SDK1: variants seen among roughly 807,000 people sequenced by gnomAD.
SDK1 encodes protein sidekick-1.
Under a neutral mutation model 245.5 loss-of-function variants are expected in SDK1, and 157 were observed. The ratio of observed to expected loss-of-function variants is 0.64; its 90% CI spans 0.56 to 0.73. The LOEUF is 0.73. SDK1 is among the 30% of genes least tolerant of loss of function. The probability of loss-of-function intolerance (pLI) is 0.00; values close to 1 mark genes in which losing one functional copy is unlikely to be tolerated. For synonymous variants in SDK1, 1,647 were observed against 1,278.5 expected (o/e 1.29, Z -6.15); for missense variants, 3,583 against 3,002.3 (o/e 1.19, Z -4.52).
At chr7:3,473,998 C>A (rs1176267758) in intron 1 of SDK1, among the ~76,000 whole-genome samples, 5 of 151,380 alleles carry the variant, frequency 3.3e-5, no homozygotes, top group Non-Finnish European at 7.4e-5. Context: ...TTTGGACATC[C>A]ACCTTTAACC....
intron 4 of SDK1, among the ~76,000 whole-genome samples, chr7:3,687,779 G>A (rs998207604): frequency 4.6e-5 from 7 of 152,164 alleles, no homozygotes; most frequent in African/African-American, 9.7e-5. Context: ...AGGTCCTTGC[G>A]GTGATGGAAA....
intron 5 of SDK1, among the ~76,000 whole-genome samples, chr7:3,907,842 C>T (rs1464294915): frequency 6.6e-6 from 1 of 152,162 alleles, no homozygotes; most frequent in Non-Finnish European, 1.5e-5. Context: ...TTTCTTATTG[C>T]TCAGCTGTGT....
intron 4 of SDK1, among the ~76,000 whole-genome samples, chr7:3,734,867 A>G (rs1034645708): frequency 6.6e-6 from 1 of 152,198 alleles, no homozygotes; most frequent in African/African-American, 2.4e-5. Context: ...CAAGTAGTCC[A>G]TATTTTCCAA....
intron 35 of SDK1, among the ~76,000 whole-genome samples, chr7:4,192,092 C>G (rs1472220137): frequency 1.3e-5 from 2 of 152,176 alleles, no homozygotes; most frequent in Non-Finnish European, 2.9e-5. Flanking sequence ...CAAGCATACA[C>G]AGAAGGAGAC....
intron 1 of SDK1, among the ~76,000 whole-genome samples, chr7:3,379,816 A>C (rs1017660411): frequency 1.7e-5 from 1 of 58,668 alleles, no homozygotes; most frequent in Non-Finnish European, 3.1e-5. Flanking sequence ...AAACTTCTTG[A>C]GCCACCTACA....
intron 5 of SDK1, among the ~76,000 whole-genome samples, chr7:3,843,857 T>C (rs190872255): frequency 1.3e-4 from 20 of 149,608 alleles, no homozygotes; most frequent in African/African-American, 5.1e-4. Context: ...TAAAATCTTA[T>C]AAAATAGATA....
intron 17 of SDK1, among the ~76,000 whole-genome samples, chr7:4,047,292 C>T (rs73302703): frequency 0.014 from 2,128 of 152,190 alleles, 56 homozygotes; most frequent in African/African-American, 0.049. Context: ...TGATGAATTA[C>T]TTTGATTGTT....
chr7:3,319,838 G>T (rs1779753000), intron 1 of SDK1, among the ~76,000 whole-genome samples: 1 of 130,688 alleles, frequency 7.7e-6, no homozygotes, highest in Non-Finnish European at 1.6e-5. Context: ...TACAAATCTG[G>T]TTTCCTCTTC....
intron 4 of SDK1, among the ~76,000 whole-genome samples, chr7:3,660,844 T>C (rs1783330087): frequency 6.6e-6 from 1 of 152,242 alleles, no homozygotes; most frequent in Admixed American, 6.5e-5. Context: ...AATCTTTTCT[T>C]CTTCAATCTA....
intron 1 of SDK1, among the ~76,000 whole-genome samples, chr7:3,424,495 G>T (rs950375964): frequency 6.6e-6 from 1 of 152,078 alleles, no homozygotes; most frequent in Non-Finnish European, 1.5e-5. Context: ...ATTATTTTGG[G>T]AAGAAAAATG....
In SDK1 at chr7:4,208,133, C is replaced by T. The variant is rs764914315; in HGVS notation, c.5249C>T (p.Thr1750Met). 34 of 1,613,746 alleles carry T rather than the reference C, an allele frequency of 2.1e-5. No homozygotes were observed. The highest frequency in any genetic ancestry group is 1.7e-4 in the Middle Eastern group (1 of 6,054). ...YYWEADSQNE[T>M]EKMKVLFLPE... ...TGGGAGGCAGACAGCCAGAACGAAA[C>T]GGAGAAAATGAAGGTCCTCTTCCTC... Residue 1750 changes from threonine (T) to methionine (M), a missense_variant, in exon 37 of 45, where the codon ACG becomes ATG. By Grantham distance (81) the Thr-to-Met change is moderately conservative. Coordinates refer to ENST00000404826, the MANE Select transcript of SDK1 (RefSeq NM_152744.4).
chr7:3,993,219 T>C (rs1291117148), intron 14 of SDK1, among the ~76,000 whole-genome samples: 1 of 152,236 alleles, frequency 6.6e-6, no homozygotes, highest in African/African-American at 2.4e-5. Flanking sequence ...AACCTTGATA[T>C]TTGGGAGAGG....
At chr7:3,505,758 C>T (rs1310132497) in intron 1 of SDK1, among the ~76,000 whole-genome samples, 1 of 152,078 alleles carries the variant, frequency 6.6e-6, no homozygotes, top group Non-Finnish European at 1.5e-5. Context: ...GATGCAAAAC[C>T]TGTAGATGTG....
chr7:3,732,621 C>G (rs1029569925), intron 4 of SDK1, among the ~76,000 whole-genome samples: 5 of 152,236 alleles, frequency 3.3e-5, no homozygotes, highest in Non-Finnish European at 7.3e-5. Context: ...TTCAAAGAGA[C>G]TGAGCAGCAA....
At chr7:3,526,973 A>G (rs1338589355) in intron 1 of SDK1, among the ~76,000 whole-genome samples, 1 of 152,186 alleles carries the variant, frequency 6.6e-6, no homozygotes, top group Non-Finnish European at 1.5e-5. Context: ...TTAACTTGCT[A>G]TAAATCTACC....
At chr7:3,808,177 A>T (rs1220612138) in intron 4 of SDK1, among the ~76,000 whole-genome samples, 1 of 152,182 alleles carries the variant, frequency 6.6e-6, no homozygotes, top group African/African-American at 2.4e-5. Context: ...AGCACACAGC[A>T]GTTGCCAGGC....
At chr7:3,534,673 G>A (rs927403599) in intron 1 of SDK1, among the ~76,000 whole-genome samples, 1 of 151,950 alleles carries the variant, frequency 6.6e-6, no homozygotes, top group Non-Finnish European at 1.5e-5. Flanking sequence ...GGCTTTCCTC[G>A]GTTGTTTGTG....
At chr7:4,232,882 T>C (rs575477987) in intron 40 of SDK1, 1 of 160,936 alleles carries the variant, frequency 6.2e-6, no homozygotes. Flanking sequence ...ATTTTAATTT[T>C]AAATTTATTA....
Position 3,751,117 on chromosome 7 carries a change from C to T in SDK1, c.714-70333C>T, listed in dbSNP as rs563893832. Among the ~76,000 whole-genome samples the T allele has an allele frequency of 3.3e-5, 5 of 152,350 alleles. 1 individual carries two copies. Among genetic ancestry groups the T allele is most frequent in the African/African-American group, 9.6e-5 (4 of 41,584 alleles). ...CCTTCTTGCTGTTGTTGGTCCCACT[C>T]TTCCTCCAGTCGCTGTGTGGCTACC... On this transcript the variant is annotated intron_variant, in intron 4 of 44. Coordinates refer to ENST00000404826, the MANE Select transcript of SDK1 (RefSeq NM_152744.4).
Sources: gnomAD v4.1 joint callset for allele counts (sites outside exome capture counted in the v4.1 genomes callset) on GRCh38, gnomAD v4.1.1 for gene constraint, MANE v1.5 for transcripts, NCBI Gene and HGNC (gene_info 2026-07-23, HGNC 2026-07-21) for gene names.